Variants in ZDHHC7 observed in about 807,000 individuals in gnomAD.
ZDHHC7 encodes palmitoyltransferase ZDHHC7.
ZDHHC7 carries 12 observed loss-of-function variants against 34.1 expected under a neutral mutation model. The ratio of observed to expected loss-of-function variants is 0.35; its 90% CI spans 0.23 to 0.57. The LOEUF is 0.57. ZDHHC7 is among the 20% of genes least tolerant of loss of function. ZDHHC7 has a pLI of 0.84. For missense variants in ZDHHC7, 388 were observed against 402.7 expected (o/e 0.96, Z 0.31); for synonymous variants, 185 against 155.4 (o/e 1.19, Z -1.42).
intron 2 of ZDHHC7, among the ~76,000 whole-genome samples, chr16:84,991,212 T>G (rs2072505152): frequency 6.6e-6 from 1 of 152,222 alleles, no homozygotes; most frequent in South Asian, 2.1e-4. Context: ...ATCTGTGATG[T>G]TTTTGGAGCA....
At chr16:84,983,522 G>A (rs886217477) in intron 3 of ZDHHC7, among the ~76,000 whole-genome samples, 2 of 152,152 alleles carry the variant, frequency 1.3e-5, no homozygotes, top group African/African-American at 2.4e-5. Context: ...CAGGGCAAAT[G>A]TGAGTGTTGA....
At chr16:85,009,554 T>A (rs10454071) in intron 1 of ZDHHC7, among the ~76,000 whole-genome samples, 1 of 149,608 alleles carries the variant, frequency 6.7e-6, no homozygotes, top group Non-Finnish European at 1.5e-5. Flanking sequence ...TCAAATAGTC[T>A]TCTTCTCCTT....
intron 3 of ZDHHC7, among the ~76,000 whole-genome samples, chr16:84,985,116 G>A (rs567585452): frequency 3.9e-5 from 6 of 152,322 alleles, no homozygotes; most frequent in Admixed American, 3.3e-4. Flanking sequence ...TAGGCTCCAG[G>A]CCATGGGATG....
In ZDHHC7 at chr16:84,977,203, C is replaced by T. The variant is rs1028934628; in HGVS notation, c.642G>A (p.Pro214=). The T allele has an allele frequency of 1.2e-5, 19 of 1,614,102 alleles. No individual in the cohort carries two copies. The highest frequency in any genetic ancestry group is 1.7e-5 in the Admixed American group (1 of 60,010). Residue 214 remains proline (P), a synonymous_variant, in exon 7 of 8, where the codon CCG becomes CCA. Transcript: ENST00000313732. ...QWTECSDFSP[P]ITVILLIFLC... Reference sequence around the variant, plus strand: ...GGAAGATCAACAGGATTACAGTTATCGGAGGTGAAAAATCACTGCATTCTG... The same window carrying T: ...GGAAGATCAACAGGATTACAGTTATTGGAGGTGAAAAATCACTGCATTCTG...
At chr16:84,990,192 C>G (rs1429236790) in intron 3 of ZDHHC7, 112 bp downstream of exon 3, 1 of 1,280,720 alleles carries the variant, frequency 7.8e-7, no homozygotes, top group Non-Finnish European at 1.1e-6. Context: ...CTTTCTTGTT[C>G]CACACCCATG....
chr16:84,993,195 C>T (rs1362745293), intron 2 of ZDHHC7, among the ~76,000 whole-genome samples: 3 of 151,836 alleles, frequency 2.0e-5, no homozygotes, highest in Non-Finnish European at 4.4e-5. Context: ...GTGGCTTGCG[C>T]TTATAGTCCC....
intron 2 of ZDHHC7, among the ~76,000 whole-genome samples, chr16:84,993,083 G>A (rs1488383083): frequency 6.6e-6 from 1 of 152,182 alleles, no homozygotes; most frequent in African/African-American, 2.4e-5. Context: ...CAGCACTTGG[G>A]AGACTGAGGC....
chr16:84,977,368 T>A, intron 6 of ZDHHC7, 143 bp from the exon 7 acceptor site: 4 of 1,099,232 alleles, frequency 3.6e-6, no homozygotes, highest in Non-Finnish European at 5.2e-6. Flanking sequence ...GCACATTCAT[T>A]GTTCTCCAAG....
chr16:84,987,911 A>T (rs1424450949), intron 3 of ZDHHC7, among the ~76,000 whole-genome samples: 1 of 152,222 alleles, frequency 6.6e-6, no homozygotes, highest in Non-Finnish European at 1.5e-5. Context: ...TCACGCCTGT[A>T]ATCATCCCAG....
intron 3 of ZDHHC7, among the ~76,000 whole-genome samples, chr16:84,984,454 A>C (rs1567494932): frequency 6.6e-6 from 1 of 152,172 alleles, no homozygotes; most frequent in African/African-American, 2.4e-5. Context: ...GAAATGGGCC[A>C]GATTTTAAAA....
chr16:84,992,450 T>G (rs973217268), intron 2 of ZDHHC7, among the ~76,000 whole-genome samples: 2 of 152,204 alleles, frequency 1.3e-5, no homozygotes, highest in African/African-American at 4.8e-5. Flanking sequence ...TCCAGCCTAG[T>G]GACAGAGTGA....
chr16:84,997,363 G>C (rs895253711), intron 1 of ZDHHC7, among the ~76,000 whole-genome samples: 1 of 148,386 alleles, frequency 6.7e-6, no homozygotes. Flanking sequence ...CCACCTCCCG[G>C]GTTCACGCCA....
rs2072279976 is a variant in ZDHHC7, at chr16:84,975,262, G to A, written c.*1081C>T. The A allele has an allele frequency of 6.5e-6, 1 of 152,688 alleles. No homozygotes were observed. Among genetic ancestry groups the A allele is most frequent in the Non-Finnish European group, 1.5e-5 (1 of 68,084 alleles). The allele number at this position is 152,688 out of a possible 1,614,324, so 9.5% of individuals were successfully genotyped here. A position where few individuals can be genotyped will look rare whatever the true frequency, so the allele number is the denominator to read the frequency against. Reference sequence around the variant, plus strand: ...TGCCTGCGGTGGCACAGTCGCCCCTGCCAGGGGCTGGCTGCCTCATGGTCC... The same window carrying A: ...TGCCTGCGGTGGCACAGTCGCCCCTACCAGGGGCTGGCTGCCTCATGGTCC... On this transcript the variant is annotated 3_prime_UTR_variant, in exon 8 of 8. Coordinates refer to ENST00000313732, the MANE Select transcript of ZDHHC7 (RefSeq NM_017740.3).
intron 4 of ZDHHC7, among the ~76,000 whole-genome samples, chr16:84,979,812 C>T (rs2072342889): frequency 6.6e-6 from 1 of 152,074 alleles, no homozygotes. Flanking sequence ...TTGCCCAAAA[C>T]ACTCTGTATG....
chr16:84,992,129 T>C (rs1397352009), intron 2 of ZDHHC7, among the ~76,000 whole-genome samples: 1 of 145,750 alleles, frequency 6.9e-6, no homozygotes, highest in Non-Finnish European at 1.5e-5. Context: ...TGAGCTGAGA[T>C]CACGCCACTG....
Position 84,974,209 on chromosome 16 carries a change from G to C in ZDHHC7, c.*2134C>G, listed in dbSNP as rs537213356. On this transcript the variant is annotated 3_prime_UTR_variant, in exon 8 of 8. Transcript: ENST00000313732. ...TTTGAAACATTGTTTTTATTTCAAC[G>C]TGCACTAAAAAAAGGACTAAGTAAA... 6.6e-6 allele frequency: 1 copy of C among 152,116 alleles called. No individual in the cohort carries two copies. Among genetic ancestry groups the C allele is most frequent in the Non-Finnish European group, 1.5e-5 (1 of 68,006 alleles). The allele number at this position is 152,116 out of a possible 1,614,324, so 9.4% of individuals were successfully genotyped here. A position where few individuals can be genotyped will look rare whatever the true frequency, so the allele number is the denominator to read the frequency against.
the ZDHHC7 span, among the ~76,000 whole-genome samples, chr16:85,020,835 A>C: frequency 6.6e-6 from 1 of 152,114 alleles, no homozygotes; most frequent in African/African-American, 2.4e-5. Context: ...CCAGGCACAG[A>C]AGCTCACATC....
At chr16:84,988,342 G>C (rs1034033530) in intron 3 of ZDHHC7, among the ~76,000 whole-genome samples, 1 of 152,088 alleles carries the variant, frequency 6.6e-6, no homozygotes, top group African/African-American at 2.4e-5. Context: ...GTGATGGTTG[G>C]ACACTCTGTG....
the ZDHHC7 span, among the ~76,000 whole-genome samples, chr16:85,017,781 A>G: frequency 1.3e-5 from 2 of 152,208 alleles, no homozygotes; most frequent in Non-Finnish European, 2.9e-5. Flanking sequence ...TAAGTCAGAA[A>G]ATAGTGAAAG....
Sources: allele counts gnomAD v4.1 joint callset (sites outside exome capture counted in the v4.1 genomes callset), GRCh38; gene constraint gnomAD v4.1.1; transcripts MANE v1.5; gene names NCBI Gene and HGNC (gene_info 2026-07-23, HGNC 2026-07-21).